MAML3: variants seen among roughly 807,000 people sequenced by gnomAD.
MAML3 encodes mastermind-like protein 3.
Under a neutral mutation model 101.9 loss-of-function variants are expected in MAML3, and 27 were observed. That is an observed-to-expected ratio of 0.27 (90% CI 0.20 to 0.37). The LOEUF is 0.37. MAML3 is among the 10% of genes least tolerant of loss of function. The pLI, the probability that MAML3 is intolerant of heterozygous loss-of-function variation, is 1.00. For missense variants in MAML3, 1,316 were observed against 1,444.9 expected, an observed-to-expected ratio of 0.91 and a Z score of 1.45; for synonymous variants, 501 against 555.9, an observed-to-expected ratio of 0.90 and a Z score of 1.39.
chr4:139,833,742 G>C (rs1578623081), intron 2 of MAML3, among the ~76,000 whole-genome samples: 2 of 152,298 alleles, frequency 1.3e-5, no homozygotes, highest in African/African-American at 4.8e-5. Flanking sequence ...TCATTACGCA[G>C]GGGTTGTGGC....
chr4:139,972,237 A>C, intron 1 of MAML3, among the ~76,000 whole-genome samples: 1 of 152,134 alleles, frequency 6.6e-6, no homozygotes, highest in East Asian at 1.9e-4. Context: ...CTCTCCACAA[A>C]ATGTTAAATC....
chr4:139,751,802 G>A (rs1433090657), intron 2 of MAML3, among the ~76,000 whole-genome samples: 1 of 152,202 alleles, frequency 6.6e-6, no homozygotes, highest in Non-Finnish European at 1.5e-5. Flanking sequence ...AGCAAGCCAT[G>A]GAGTTACAAT....
chr4:139,887,691 G>A (rs1732370588), intron 2 of MAML3, among the ~76,000 whole-genome samples: 1 of 152,196 alleles, frequency 6.6e-6, no homozygotes, highest in South Asian at 2.1e-4. Context: ...TTCATCTTTG[G>A]TCTGGCTTGA....
chr4:139,894,156 C>T (rs902380305), intron 1 of MAML3, among the ~76,000 whole-genome samples: 5 of 152,068 alleles, frequency 3.3e-5, no homozygotes, highest in Admixed American at 6.6e-5. Context: ...TGTGCAGATG[C>T]GGTAAAGTTC....
chr4:139,732,934 T>C (rs1000786655), intron 2 of MAML3, among the ~76,000 whole-genome samples: 1 of 152,250 alleles, frequency 6.6e-6, no homozygotes, highest in Admixed American at 6.5e-5. Context: ...GAAATATTTT[T>C]GATGTTAATA....
chr4:139,748,901 C>G (rs1418195611), intron 2 of MAML3, among the ~76,000 whole-genome samples: 1 of 152,156 alleles, frequency 6.6e-6, no homozygotes, highest in Non-Finnish European at 1.5e-5. Context: ...AAGAGAGCCT[C>G]TCTTAGGGGC....
intron 2 of MAML3, among the ~76,000 whole-genome samples, chr4:139,839,782 C>G (rs1235991176): frequency 1.3e-5 from 2 of 152,070 alleles, no homozygotes; most frequent in Admixed American, 6.5e-5. Context: ...TACGCCATGA[C>G]TGCTGATTAT....
chr4:139,814,685 AC>A (rs1189392449), intron 2 of MAML3, among the ~76,000 whole-genome samples: 3 of 152,094 alleles, frequency 2.0e-5, no homozygotes, highest in African/African-American at 7.2e-5. Flanking sequence ...CACCACCAAG[AC>A]TTGGTAGGCA....
In MAML3 at chr4:139,785,330, T is replaced by C. The variant is rs773924685; in HGVS notation, c.2080-54663A>G. ...TATTAATAATCAGAGTTCACTTTCA[T>C]AGGGCTCTGGGCAGAAAATAAAATG... On this transcript the variant is annotated intron_variant, in intron 2 of 4. Coordinates refer to ENST00000509479, the MANE Select transcript of MAML3 (RefSeq NM_018717.5). This position sits in a 1 kb window ranked among gnomAD's most constrained non-coding sequence, Gnocchi z 4.3. 1.3e-5 allele frequency among the ~76,000 whole-genome samples: 2 copies of C among 152,214 alleles called. No homozygotes were observed. The highest frequency in any genetic ancestry group is 2.1e-4 in the South Asian group (1 of 4,834).
chr4:140,093,416 G>GTTTTTTTTTT (rs561107578), intron 1 of MAML3, among the ~76,000 whole-genome samples: 1 of 121,488 alleles, frequency 8.2e-6, no homozygotes. Flanking sequence ...ATGTTTGTTT[G>GTTTTTTTTTT]TTTTTTTTTT....
chr4:139,908,505 A>C (rs916368461), intron 1 of MAML3, among the ~76,000 whole-genome samples: 2 of 152,236 alleles, frequency 1.3e-5, no homozygotes, highest in African/African-American at 4.8e-5. Flanking sequence ...AATGAGTCTC[A>C]AAAACTCAAG....
At chr4:139,849,244 G>T (rs76357915) in intron 2 of MAML3, among the ~76,000 whole-genome samples, 473 of 152,272 alleles carry the variant, frequency 3.1e-3, no homozygotes, top group African/African-American at 0.011. Context: ...TACTTGAATT[G>T]CTGTGTAGGT....
At chr4:140,022,462 G>A (rs2110878501) in intron 1 of MAML3, among the ~76,000 whole-genome samples, 1 of 152,308 alleles carries the variant, frequency 6.6e-6, no homozygotes, top group South Asian at 2.1e-4. Flanking sequence ...ACAGTAGAAT[G>A]CAATCTGGAT....
At chr4:139,831,794 CTCTT>C (rs1731166829) in intron 2 of MAML3, among the ~76,000 whole-genome samples, 1 of 146,810 alleles carries the variant, frequency 6.8e-6, no homozygotes, top group South Asian at 2.1e-4. Context: ...ATCCCTCTCA[CTCTT>C]TTTTTTTTTT....
At chr4:139,875,949 C>G (rs1732108299) in intron 2 of MAML3, among the ~76,000 whole-genome samples, 1 of 141,152 alleles carries the variant, frequency 7.1e-6, no homozygotes, top group Non-Finnish European at 1.5e-5. Flanking sequence ...AAAAAATCAC[C>G]TCTGGTCTTG....
At chr4:139,927,798 G>A (rs1733297147) in intron 1 of MAML3, among the ~76,000 whole-genome samples, 1 of 152,028 alleles carries the variant, frequency 6.6e-6, no homozygotes, top group African/African-American at 2.4e-5. Context: ...TCTTTTTTCT[G>A]TGCCTTTCCT....
chr4:140,131,443 T>G (rs956166171), intron 1 of MAML3, among the ~76,000 whole-genome samples: 12 of 152,108 alleles, frequency 7.9e-5, no homozygotes, highest in African/African-American at 2.7e-4. Context: ...GCTATAGAAC[T>G]TAGTACAGAG....
intron 1 of MAML3, among the ~76,000 whole-genome samples, chr4:140,084,809 ACTTG>A: frequency 6.6e-6 from 1 of 152,340 alleles, no homozygotes; most frequent in Non-Finnish European, 1.5e-5. Context: ...CTAACAAATG[ACTTG>A]AACACATTGT....
At chr4:139,972,873 A>G (rs914953911) in intron 1 of MAML3, among the ~76,000 whole-genome samples, 1 of 152,264 alleles carries the variant, frequency 6.6e-6, no homozygotes, top group Non-Finnish European at 1.5e-5. Context: ...CATTTAGATT[A>G]GCTAGAGAAC....
Sources: allele counts gnomAD v4.1 joint callset (sites outside exome capture counted in the v4.1 genomes callset), GRCh38; gene constraint gnomAD v4.1.1; non-coding constraint Gnocchi (gnomAD v3.1); transcripts MANE v1.5; gene names NCBI Gene and HGNC (gene_info 2026-07-23, HGNC 2026-07-21).